ECM2: variants seen among roughly 807,000 people sequenced by gnomAD.
ECM2 encodes extracellular matrix protein 2, also known as extracellular matrix protein 2, female organ and adipocyte specific.
Under a neutral mutation model 67.5 loss-of-function variants are expected in ECM2, and 57 were observed. The observed-to-expected ratio is 0.84, with a 90% CI of 0.68 to 1.05. ECM2 has a LOEUF of 1.05. Ranked by LOEUF, ECM2 falls within the 50% of genes least tolerant of loss-of-function variation. The pLI is 0.00. For missense variants in ECM2, 741 were observed against 822.8 expected, an observed-to-expected ratio of 0.90 and a Z score of 1.22; for synonymous variants, 258 against 294.5, an observed-to-expected ratio of 0.88 and a Z score of 1.27.
At chr9:92,535,293 G>C (rs1047797073) in intron 1 of ECM2, among the ~76,000 whole-genome samples, 3 of 152,062 alleles carry the variant, frequency 2.0e-5, no homozygotes, top group African/African-American at 7.2e-5. Context: ...TATTTTCATT[G>C]ATATACAGAA....
At chr9:92,505,188 A>G (rs1480620087) in intron 7 of ECM2, among the ~76,000 whole-genome samples, 1 of 152,200 alleles carries the variant, frequency 6.6e-6, no homozygotes, top group Non-Finnish European at 1.5e-5. Context: ...TTCTGTGATA[A>G]GCGTCACATT....
intron 3 of ECM2, among the ~76,000 whole-genome samples, chr9:92,516,076 C>T (rs1261062741): frequency 6.7e-6 from 1 of 149,594 alleles, no homozygotes; most frequent in Admixed American, 6.6e-5. Context: ...TTTTTTTCCC[C>T]CCCCCGAGAC....
At chr9:92,532,063 G>A (rs1269222953) in intron 1 of ECM2, among the ~76,000 whole-genome samples, 1 of 98,986 alleles carries the variant, frequency 1.0e-5, no homozygotes, top group African/African-American at 5.0e-5. Flanking sequence ...GTCTCACTAT[G>A]TTGCCTGGGC....
upstream of ECM2, among the ~76,000 whole-genome samples, chr9:92,541,215 C>T (rs554107333): frequency 2.0e-5 from 3 of 152,180 alleles, no homozygotes; most frequent in East Asian, 1.9e-4. Context: ...GCCAAGATTG[C>T]GCCACTGCAC....
At position 92,496,315 on chromosome 9, in the gene ECM2, T is replaced by A. The variant is rs1846340943; in HGVS notation, c.2100A>T (p.Ter700TyrextTer9). 1 of 1,573,328 alleles carries A rather than the reference T, an allele frequency of 6.4e-7. No individual in the cohort carries two copies. Among genetic ancestry groups the A allele is most frequent in the Non-Finnish European group, 8.6e-7 (1 of 1,166,234 alleles). Residue 700 changes from the stop codon to tyrosine (Y), a stop_lost, in exon 10 of 10, where the codon TAA becomes TAT. Coordinates refer to ENST00000344604, the MANE Select transcript of ECM2 (RefSeq NM_001393.4). The stretch of plus-strand genomic sequence containing the variant: ...ATAAACAGCAAAGGAAAACTTGGAA[T>A]TACTTGATGTTTTGTGGTTTAAGAA... ...SIVLKPQNIK[*>Y]
At chr9:92,522,211 C>T (rs756864457) in intron 2 of ECM2, among the ~76,000 whole-genome samples, 3 of 152,006 alleles carry the variant, frequency 2.0e-5, no homozygotes, top group South Asian at 4.2e-4. Context: ...CTCAGCCTCC[C>T]GAGTAGCTGG....
At position 92,501,034 on chromosome 9, in the gene ECM2, G is replaced by C. The variant is rs575737141; in HGVS notation, c.1624C>G (p.Leu542Val). The C allele has an allele frequency of 4.3e-6, 7 of 1,612,758 alleles. No homozygotes were observed. The highest frequency in any genetic ancestry group is 2.2e-5 in the East Asian group (1 of 44,840). Residue 542 changes from leucine to valine, a missense_variant, in exon 9 of 10, where the codon CTC becomes GTC. Transcript: ENST00000344604. ...INQENLESIDLSYNKLYHVPS... is the reference protein window; with the variant it reads ...INQENLESIDVSYNKLYHVPS... ...ACGTGATAGAGCTTGTTGTAGGAGA[G>C]ATCAATGGATTCTAGATTTCTGCAG...
upstream of ECM2, among the ~76,000 whole-genome samples, chr9:92,537,679 A>C (rs1024931764): frequency 3.9e-5 from 6 of 152,202 alleles, no homozygotes; most frequent in African/African-American, 1.4e-4. Flanking sequence ...AAGAAAAGAA[A>C]AGAAAAAGAT....
the ECM2 span, among the ~76,000 whole-genome samples, chr9:92,558,734 G>T: frequency 2.3e-4 from 35 of 152,220 alleles, no homozygotes; most frequent in African/African-American, 7.7e-4. Context: ...TCAGCTACCA[G>T]GGTGGATAGG....
the ECM2 span, among the ~76,000 whole-genome samples, chr9:92,547,755 T>C: frequency 2.6e-5 from 4 of 152,228 alleles, no homozygotes; most frequent in Non-Finnish European, 5.9e-5. Context: ...ACTAGGAATA[T>C]ACTAAAAACC....
chr9:92,497,871 G>GT (rs1258850276), intron 9 of ECM2, among the ~76,000 whole-genome samples: 1 of 89,754 alleles, frequency 1.1e-5, no homozygotes, highest in Non-Finnish European at 2.0e-5. Flanking sequence ...AGAGCTGGTT[G>GT]TTTAAAAAAA....
intron 1 of ECM2, among the ~76,000 whole-genome samples, chr9:92,532,041 T>TTTTTTTTTTTTTTA: frequency 7.0e-6 from 1 of 143,486 alleles, no homozygotes; most frequent in African/African-American, 2.7e-5. Context: ...TTTATTTTTT[T>TTTTTTTTTTTTTTA]TTTGAGATGA....
chr9:92,501,168 G>T, intron 8 of ECM2, 115 bp from the exon 9 acceptor site: 1 of 1,032,088 alleles, frequency 9.7e-7, no homozygotes. Flanking sequence ...CACCCAGTTT[G>T]TAGTGATGAT....
chr9:92,514,926 C>T lies in ECM2; in HGVS notation c.759G>A (p.Arg253=). ...GTGCCAGCCTCCTCTCCTCTCCAGG[C>T]CTCTGCTTTCTGTCTCCTCCTCTGC... ...GDSRGGDRKQ[R]PGEERRLAHQ... Residue 253 remains arginine, a synonymous_variant, in exon 4 of 10, where the codon AGG becomes AGA. Coordinates refer to ENST00000344604, the MANE Select transcript of ECM2 (RefSeq NM_001393.4). 2 of 1,613,940 alleles carry T rather than the reference C, an allele frequency of 1.2e-6. No individual in the cohort carries two copies. Among genetic ancestry groups the T allele is most frequent in the Non-Finnish European group, 1.7e-6 (2 of 1,179,868 alleles).
chr9:92,533,465 A>G (rs547161746), intron 1 of ECM2, among the ~76,000 whole-genome samples: 1 of 149,638 alleles, frequency 6.7e-6, no homozygotes, highest in East Asian at 2.0e-4. Context: ...TTAAAACTCT[A>G]TTAATCTTCT....
At chr9:92,497,951 C>T (rs1021851272) in intron 9 of ECM2, among the ~76,000 whole-genome samples, 1 of 151,776 alleles carries the variant, frequency 6.6e-6, no homozygotes, top group Non-Finnish European at 1.5e-5. Context: ...AATCTCTACA[C>T]ACTCCATCTC....
At chr9:92,524,496 T>G (rs1848270359) in intron 1 of ECM2, among the ~76,000 whole-genome samples, 1 of 152,202 alleles carries the variant, frequency 6.6e-6, no homozygotes, top group African/African-American at 2.4e-5. Flanking sequence ...CAATCTCTCT[T>G]GGCCTAAAGT....
intron 2 of ECM2, among the ~76,000 whole-genome samples, chr9:92,521,954 T>C (rs1230596899): frequency 6.6e-6 from 1 of 152,232 alleles, no homozygotes; most frequent in Non-Finnish European, 1.5e-5. Context: ...GTAAACATAC[T>C]GGAAAGAAAC....
intron 6 of ECM2, among the ~76,000 whole-genome samples, chr9:92,508,198 G>A (rs1386411725): frequency 6.6e-6 from 1 of 152,180 alleles, no homozygotes; most frequent in Admixed American, 6.5e-5. Context: ...CCCAGCACCC[G>A]AGGGGCCAGT....
Sources: allele counts gnomAD v4.1 joint callset (sites outside exome capture counted in the v4.1 genomes callset), GRCh38; gene constraint gnomAD v4.1.1; transcripts MANE v1.5; gene names NCBI Gene and HGNC (gene_info 2026-07-23, HGNC 2026-07-21).